CTNNA3: variants seen among roughly 807,000 people sequenced by gnomAD.
CTNNA3 encodes the protein catenin alpha 3.
CTNNA3 carries 76 observed loss-of-function variants against 95.7 expected under a neutral mutation model. The ratio of observed to expected loss-of-function variants is 0.79; its 90% CI spans 0.66 to 0.96. The LOEUF is 0.96. CTNNA3 is among the 40% of genes least tolerant of loss of function. The pLI is 0.00. For missense variants in CTNNA3, 1,191 were observed against 1,089.8 expected (o/e 1.09, Z -1.31); for synonymous variants, 431 against 374.4 (o/e 1.15, Z -1.74).
chr10:66,443,722 G>GA (rs1289019806), intron 11 of CTNNA3, among the ~76,000 whole-genome samples: 1 of 151,898 alleles, frequency 6.6e-6, no homozygotes, highest in Non-Finnish European at 1.5e-5. Flanking sequence ...CAAAGATGGG[G>GA]AAAAAACAGA....
intron 13 of CTNNA3, among the ~76,000 whole-genome samples, chr10:66,123,502 T>C (rs1450018550): frequency 6.6e-6 from 1 of 152,090 alleles, no homozygotes; most frequent in East Asian, 1.9e-4. Flanking sequence ...GGATCTACCA[T>C]TCTGGGGTCT....
chr10:66,755,748 C>T (rs980111222), intron 9 of CTNNA3, among the ~76,000 whole-genome samples: 1 of 152,114 alleles, frequency 6.6e-6, no homozygotes, highest in African/African-American at 2.4e-5. Flanking sequence ...GCCAGTCCTT[C>T]TGTCTCTAAA....
At chr10:66,453,402 C>G (rs1466485462) in intron 11 of CTNNA3, among the ~76,000 whole-genome samples, 2 of 152,220 alleles carry the variant, frequency 1.3e-5, no homozygotes, top group African/African-American at 2.4e-5. Context: ...TACACTGCCA[C>G]TTGGCATCAG....
At chr10:66,800,018 G>A (rs545839127) in intron 7 of CTNNA3, among the ~76,000 whole-genome samples, 1 of 151,234 alleles carries the variant, frequency 6.6e-6, no homozygotes, top group South Asian at 2.1e-4. Flanking sequence ...TAAGATAAAA[G>A]TTCAGAGAAT....
chr10:66,323,751 C>A (rs1195234719), intron 12 of CTNNA3, among the ~76,000 whole-genome samples: 1 of 151,922 alleles, frequency 6.6e-6, no homozygotes, highest in Non-Finnish European at 1.5e-5. Flanking sequence ...ACAGGCATTT[C>A]TGTTTTCTCT....
rs1193920866 is a variant in CTNNA3 at position 67,239,876 on chromosome 10, A to AAAG, written c.580-20009_580-20007dup. Reference sequence around the variant, plus strand: ...GGCTCATATTTTTAAAAAAGAAAAAAAAGTCTGAAATATAAAAATAAGAAG... The same window carrying AAAG: ...GGCTCATATTTTTAAAAAAGAAAAAAAAGAAGTCTGAAATATAAAAATAAGAAG... On this transcript the variant is annotated intron_variant, in intron 5 of 17. Transcript: ENST00000433211. 2.0e-5 allele frequency among the ~76,000 whole-genome samples: 3 copies of AAAG among 152,270 alleles called. No homozygotes were observed. In the East Asian group the frequency reaches 5.8e-4, roughly 29 times the overall value.
intron 9 of CTNNA3, among the ~76,000 whole-genome samples, chr10:66,643,993 C>T (rs535966520): frequency 6.6e-6 from 1 of 152,252 alleles, no homozygotes; most frequent in South Asian, 2.1e-4. Context: ...CATGGAGGCT[C>T]ATGCCTATAA....
intron 5 of CTNNA3, among the ~76,000 whole-genome samples, chr10:67,240,912 A>AAT (rs1392113735): frequency 4.6e-5 from 7 of 152,210 alleles, no homozygotes; most frequent in Admixed American, 2.6e-4. Flanking sequence ...AAGCAAATAC[A>AAT]ATATGTATTA....
chr10:67,513,387 A>G, intron 5 of CTNNA3, among the ~76,000 whole-genome samples: 1 of 152,236 alleles, frequency 6.6e-6, no homozygotes, highest in East Asian at 1.9e-4. Flanking sequence ...ATTTCTGTGA[A>G]CACTCAAAGA....
chr10:67,158,730 C>T (rs1158658813), intron 7 of CTNNA3, among the ~76,000 whole-genome samples: 2 of 152,048 alleles, frequency 1.3e-5, no homozygotes, highest in Admixed American at 6.5e-5. Flanking sequence ...TTACTGCTTC[C>T]TTGCTTGCTA....
intron 5 of CTNNA3, among the ~76,000 whole-genome samples, chr10:67,474,295 A>T (rs1015537644): frequency 2.0e-5 from 3 of 152,206 alleles, no homozygotes; most frequent in Admixed American, 2.0e-4. Flanking sequence ...AGGTAATTAC[A>T]TTAAAATGAG....
intron 1 of CTNNA3, among the ~76,000 whole-genome samples, chr10:67,707,565 A>T (rs967694006): frequency 6.6e-6 from 1 of 152,080 alleles, no homozygotes; most frequent in African/African-American, 2.4e-5. Flanking sequence ...GTTCCCAGTC[A>T]CTTATCACGA....
rs900642924 is a variant in CTNNA3 at position 65,915,915 on chromosome 10, G to A, written c.*4415C>T. 2.0e-5 allele frequency: 3 copies of A among 152,188 alleles called. No individual in the cohort carries two copies. Among genetic ancestry groups the A allele is most frequent in the Non-Finnish European group, 4.4e-5 (3 of 68,030 alleles). The allele number at this position is 152,188 out of a possible 1,614,324, so 9.4% of individuals were successfully genotyped here. The stretch of plus-strand genomic sequence containing the variant: ...TACTTCTTCTCTTTCTCTTTGAGAT[G>A]ACTAAGATAGCGTTAGTAGCCTCAT... On this transcript the variant is annotated 3_prime_UTR_variant, in exon 18 of 18. Transcript: ENST00000433211.
chr10:66,290,538 T>A (rs2091663909), intron 12 of CTNNA3, among the ~76,000 whole-genome samples: 1 of 152,132 alleles, frequency 6.6e-6, no homozygotes, highest in African/African-American at 2.4e-5. Flanking sequence ...ATGTATTTAT[T>A]TATGTTATTG....
At chr10:67,319,170 A>G (rs914534915) in intron 5 of CTNNA3, among the ~76,000 whole-genome samples, 1 of 152,212 alleles carries the variant, frequency 6.6e-6, no homozygotes, top group African/African-American at 2.4e-5. Flanking sequence ...AACATTTCAT[A>G]TATGTTGTCA....
At chr10:66,904,675 AAAAC>A (rs1197503786) in intron 7 of CTNNA3, among the ~76,000 whole-genome samples, 1 of 152,198 alleles carries the variant, frequency 6.6e-6, no homozygotes, top group Admixed American at 6.5e-5. Context: ...TTACAAGAAA[AAAAC>A]AAACAACCCC....
At chr10:67,454,408 T>A (rs924745015) in intron 5 of CTNNA3, among the ~76,000 whole-genome samples, 3 of 152,158 alleles carry the variant, frequency 2.0e-5, no homozygotes, top group African/African-American at 7.2e-5. Context: ...TCTGGCTGTA[T>A]TGGAAAGCTT....
At chr10:66,790,405 C>T (rs892671490) in intron 7 of CTNNA3, among the ~76,000 whole-genome samples, 3 of 152,030 alleles carry the variant, frequency 2.0e-5, no homozygotes, top group Non-Finnish European at 4.4e-5. Context: ...AACAGTGAGC[C>T]GAGATTGCAC....
intron 7 of CTNNA3, among the ~76,000 whole-genome samples, chr10:66,960,738 A>C (rs1209906980): frequency 6.6e-6 from 1 of 152,224 alleles, no homozygotes; most frequent in Non-Finnish European, 1.5e-5. Context: ...AATACAGAAC[A>C]GAACAGAATG....
Sources: gnomAD v4.1 joint callset for allele counts (sites outside exome capture counted in the v4.1 genomes callset) on GRCh38, gnomAD v4.1.1 for gene constraint, MANE v1.5 for transcripts, NCBI Gene and HGNC (gene_info 2026-07-23, HGNC 2026-07-21) for gene names.